Variants in ATP8B1 observed in about 807,000 individuals in gnomAD.
ATP8B1 encodes the protein ATPase phospholipid transporting 8B1.
In ATP8B1, 80 loss-of-function variants were observed where a neutral mutation model predicts 149.9. The observed-to-expected ratio is 0.53, with a 90% CI of 0.45 to 0.64. The LOEUF (loss-of-function observed/expected upper bound fraction) is 0.64, where lower values mean the gene tolerates loss of function less well. Ranked by LOEUF, ATP8B1 falls within the 30% of genes least tolerant of loss-of-function variation. The pLI, the probability that ATP8B1 is intolerant of heterozygous loss-of-function variation, is 0.00. For missense variants in ATP8B1, 1,247 were observed against 1,552.6 expected (o/e 0.80, Z 3.31); for synonymous variants, 536 against 562.8 (o/e 0.95, Z 0.67).
Position 57,652,526 on chromosome 18 carries a change from G to C in ATP8B1, c.3219C>G (p.Ala1073=), listed in dbSNP as rs199499992. ...GEAPSDYQSF[A]VTIASALVIT... The stretch of plus-strand genomic sequence containing the variant: ...TTACAAGAGCAGAGGCAATGGTGAC[G>C]GCAAAAGACTGGTAGTCGGAAGGTG... Residue 1073 remains alanine (A), a synonymous_variant, in exon 25 of 28, where the codon GCC becomes GCG. Coordinates refer to ENST00000648908, the MANE Select transcript of ATP8B1 (RefSeq NM_001374385.1). 2 of 1,614,176 alleles carry C rather than the reference G, an allele frequency of 1.2e-6. No homozygotes were observed. Among genetic ancestry groups the C allele is most frequent in the Non-Finnish European group, 1.7e-6 (2 of 1,180,042 alleles).
chr18:57,671,834 C>G (rs888786204), intron 16 of ATP8B1, among the ~76,000 whole-genome samples: 1 of 151,894 alleles, frequency 6.6e-6, no homozygotes, highest in African/African-American at 2.4e-5. Flanking sequence ...GTTACCCAGG[C>G]TGGTCTTGAA....
chr18:57,741,921 G>A (rs2079917964), intron 1 of ATP8B1, among the ~76,000 whole-genome samples: 1 of 152,170 alleles, frequency 6.6e-6, no homozygotes, highest in African/African-American at 2.4e-5. Flanking sequence ...CCAGGCTGGA[G>A]TCCAGTGGTG....
intron 1 of ATP8B1, among the ~76,000 whole-genome samples, chr18:57,760,683 T>C (rs1460071480): frequency 6.6e-6 from 1 of 152,168 alleles, no homozygotes; most frequent in Non-Finnish European, 1.5e-5. Context: ...GAAGATACTT[T>C]TTATTTTTTT....
chr18:57,746,648 GT>G (rs1185830163), intron 1 of ATP8B1, among the ~76,000 whole-genome samples: 1 of 151,588 alleles, frequency 6.6e-6, no homozygotes, highest in African/African-American at 2.4e-5. Context: ...GCTAATTTTT[GT>G]ATTTTTAGTA....
intron 1 of ATP8B1, among the ~76,000 whole-genome samples, chr18:57,782,793 T>C (rs904694388): frequency 4.1e-5 from 6 of 145,690 alleles, no homozygotes; most frequent in Non-Finnish European, 7.4e-5. Context: ...AGATTAATTC[T>C]AGTTTGTCTC....
rs1236554485 is a variant in ATP8B1, at chr18:57,697,816, C to T, written c.606G>A (p.Leu202=). 1 of 1,613,730 alleles carries T rather than the reference C, an allele frequency of 6.2e-7. No homozygotes were observed. The highest frequency in any genetic ancestry group is 1.3e-5 in the African/African-American group (1 of 74,946). ...TTACTGGAACAAAATCATTTTTTTT[C>T]AGACGAATGACGTCTCCAACTTGAA... is the stretch of plus-strand genomic sequence containing the variant. ...KEIQVGDVIR[L]KKNDFVPADI... is the part of the protein sequence containing the mutation. The change falls in exon 7 of 28, where the codon CTG becomes CTA. Residue 202 remains leucine (L), a synonymous_variant. Transcript: ENST00000648908.
rs1909534928 is a variant in ATP8B1, at chr18:57,650,478, C to G, written c.3420G>C (p.Leu1140=). ...FQFTGTASNA[L]RQPYIWLTII... is the part of the protein sequence containing the mutation. Reference sequence around the variant, plus strand: ...TAGTTAACCAAATGTATGGCTGTCTCAGAGCGTTTGAAGCTGTGCCTGTAA... The same window carrying G: ...TAGTTAACCAAATGTATGGCTGTCTGAGAGCGTTTGAAGCTGTGCCTGTAA... The change falls in exon 27 of 28, where the codon CTG becomes CTC. Residue 1140 remains leucine, a synonymous_variant. Transcript: ENST00000648908. 1 of 1,613,746 alleles carries G rather than the reference C, an allele frequency of 6.2e-7. No homozygotes were observed. The highest frequency in any genetic ancestry group is 1.7e-4 in the Middle Eastern group (1 of 6,056).
intron 2 of ATP8B1, among the ~76,000 whole-genome samples, chr18:57,719,062 T>C (rs2079611829): frequency 6.6e-6 from 1 of 152,188 alleles, no homozygotes; most frequent in South Asian, 2.1e-4. Flanking sequence ...TAAGTCAAAT[T>C]ATCCTTGTTT....
chr18:57,756,291 G>GTATATATATATACATATATA lies in ATP8B1; in HGVS notation c.-25-24460_-25-24459insTATATATGTATATATATATA, dbSNP rs1250184376. ...AAATATTTACACAACATATATATGT[G>GTATATATATATACATATATA]TGTGTGTATGTATATATATATATAT... On this transcript the variant is annotated intron_variant, in intron 1 of 27. Transcript: ENST00000648908. 1.5e-3 allele frequency among the ~76,000 whole-genome samples: 42 copies of GTATATATATATACATATATA among 27,132 alleles called. 1 individual carries two copies. The highest frequency in any genetic ancestry group is 2.5e-3 in the Admixed American group (11 of 4,462). 17.8% of individuals were successfully genotyped at this position (27,132 alleles called of 152,430 possible).
At chr18:57,713,874 G>A (rs79993730) in intron 2 of ATP8B1, among the ~76,000 whole-genome samples, 5 of 151,884 alleles carry the variant, frequency 3.3e-5, no homozygotes, top group Admixed American at 1.3e-4. Flanking sequence ...TGATCTGCCC[G>A]CCTCAGCCTC....
At chr18:57,658,625 CTTTG>C (rs1568181857) in intron 22 of ATP8B1, among the ~76,000 whole-genome samples, 1 of 111,728 alleles carries the variant, frequency 9.0e-6, no homozygotes, top group East Asian at 2.5e-4. Context: ...CCAACAATTT[CTTTG>C]TGTGTGTGTG....
Position 57,655,206 on chromosome 18 carries a change from G to A in ATP8B1, c.2919C>T (p.Gly973=), listed in dbSNP as rs1226259895. 1.9e-6 allele frequency: 3 copies of A among 1,607,952 alleles called. No homozygotes were observed. The East Asian group carries it at 6.7e-5, about 36-fold the overall frequency. The change falls in exon 23 of 28, where the codon GGC becomes GGT. Residue 973 remains glycine, a synonymous_variant. Transcript: ENST00000648908. ...AACATTACATTACCTGCGCAGAGTA[G>A]CCATTGAAGAAGGAGTACCAGAAAT... ...LVHFWYSFFN[G]YSAQTAYEDW...
At position 57,791,109 on chromosome 18, in the gene ATP8B1, A is replaced by G. The variant is rs892396126; in HGVS notation, c.-26+11889T>C. 2.6e-5 allele frequency among the ~76,000 whole-genome samples: 4 copies of G among 152,130 alleles called. No individual in the cohort carries two copies. In the South Asian group the frequency reaches 8.3e-4, roughly 32 times the overall value. On this transcript the variant is annotated intron_variant, in intron 1 of 27. Transcript: ENST00000648908. ...TCCCTAGAAATTTTTCATCTTCCCA[A>G]ACTGAAACTCAGGGTCCATTAAAAA...
In ATP8B1 at chr18:57,719,688, T is replaced by C. The variant is rs369809739; in HGVS notation, c.181+11939A>G. Among the ~76,000 whole-genome samples the C allele has an allele frequency of 4.8e-3, 724 of 151,908 alleles. 5 individuals are homozygous for C. The highest frequency in any genetic ancestry group is 0.017 in the Middle Eastern group (5 of 294). ...GGCGGCAGCGAGGCTGGGGGAGAGG[T>C]GCCCGCCATTGCCCAGGCTTGCTTA... is the stretch of plus-strand genomic sequence containing the variant. On this transcript the variant is annotated intron_variant, in intron 2 of 27. Transcript: ENST00000648908.
chr18:57,756,291 G>GTATATA (rs1250184376), intron 1 of ATP8B1, among the ~76,000 whole-genome samples: 18 of 27,166 alleles, frequency 6.6e-4, no homozygotes, highest in South Asian at 1.5e-3. Context: ...ATATATATGT[G>GTATATA]TGTGTGTATG....
chr18:57,683,899 G>A, intron 15 of ATP8B1, 137 bp downstream of exon 15: 1 of 1,150,508 alleles, frequency 8.7e-7, no homozygotes, highest in Admixed American at 2.0e-5. Context: ...CTAGTGGTAA[G>A]TGCTGAGAAA....
chr18:57,744,307 C>CAAAAAA (rs10680324), intron 1 of ATP8B1, among the ~76,000 whole-genome samples: 24 of 97,484 alleles, frequency 2.5e-4, no homozygotes, highest in Admixed American at 5.0e-4. Context: ...GAGACTGTCT[C>CAAAAAA]AAAAAAAAAA....
chr18:57,745,191 C>T (rs774500236), intron 1 of ATP8B1, among the ~76,000 whole-genome samples: 4 of 152,154 alleles, frequency 2.6e-5, no homozygotes, highest in African/African-American at 9.7e-5. Flanking sequence ...ACCCAAAACA[C>T]TAAAGATATA....
At chr18:57,714,984 C>G (rs2079570794) in intron 2 of ATP8B1, among the ~76,000 whole-genome samples, 2 of 152,150 alleles carry the variant, frequency 1.3e-5, no homozygotes, top group Non-Finnish European at 2.9e-5. Context: ...AGAAACAAAA[C>G]TATATGACCT....
Sources: allele counts gnomAD v4.1 joint callset (sites outside exome capture counted in the v4.1 genomes callset), GRCh38; gene constraint gnomAD v4.1.1; transcripts MANE v1.5; gene names NCBI Gene and HGNC (gene_info 2026-07-23, HGNC 2026-07-21).